The following KIRREL3 variants were observed in gnomAD, a reference collection of about 807,000 sequenced individuals.
KIRREL3 encodes kin of IRRE-like protein 3.
A neutral mutation model predicts 89.7 loss-of-function variants in KIRREL3; 36 were observed. The observed-to-expected ratio is 0.40, with a 90% CI of 0.31 to 0.53. KIRREL3 has a LOEUF of 0.53. Ranked by LOEUF, KIRREL3 falls within the 20% of genes least tolerant of loss-of-function variation. The probability of loss-of-function intolerance (pLI) is 0.49; values close to 1 mark genes in which losing one functional copy is unlikely to be tolerated. For missense variants in KIRREL3, 864 were observed against 1,056.6 expected, an observed-to-expected ratio of 0.82 and a Z score of 2.53; for synonymous variants, 445 against 441.4, an observed-to-expected ratio of 1.01 and a Z score of -0.10.
chr11:126,921,246 C>T (rs1392721827), intron 1 of KIRREL3, among the ~76,000 whole-genome samples: 2 of 152,184 alleles, frequency 1.3e-5, no homozygotes, highest in African/African-American at 4.8e-5. Context: ...CCATTGGCTT[C>T]CCTGGTTCTG....
chr11:126,478,695 G>C (rs1466881439), intron 4 of KIRREL3, among the ~76,000 whole-genome samples: 1 of 152,126 alleles, frequency 6.6e-6, no homozygotes, highest in African/African-American at 2.4e-5. Context: ...GCATGTAGAT[G>C]TACATGTGTG....
intron 1 of KIRREL3, among the ~76,000 whole-genome samples, chr11:126,589,141 A>G (rs568867618): frequency 2.6e-5 from 4 of 152,330 alleles, no homozygotes; most frequent in East Asian, 1.9e-4. Flanking sequence ...CTGCCTCTCC[A>G]GGTGTCTGCC....
At chr11:126,590,127 A>G (rs1293807230) in intron 1 of KIRREL3, among the ~76,000 whole-genome samples, 1 of 152,172 alleles carries the variant, frequency 6.6e-6, no homozygotes, top group Non-Finnish European at 1.5e-5. Context: ...ATACCTAACC[A>G]TTATACAGGC....
rs773226874 is a variant in KIRREL3 at position 126,879,458 on chromosome 11, G to T, written c.55+120997C>A. ...GTTGCTCCTGGGCCCCAGCTGATTT[G>T]ATGTCATGCCGTTAAGATAACTATA... On this transcript the variant is annotated intron_variant, in intron 1 of 16. Transcript: ENST00000525144. This position sits in a 1 kb window ranked among gnomAD's most constrained non-coding sequence, Gnocchi z 5.4. Among the ~76,000 whole-genome samples the T allele has an allele frequency of 2.0e-5, 3 of 152,158 alleles. No homozygotes were observed. The highest frequency in any genetic ancestry group is 4.4e-5 in the Non-Finnish European group (3 of 68,038).
rs1470694721 is a variant in KIRREL3, at chr11:126,455,096, C to A, written c.848+1253G>T. 6.6e-6 allele frequency among the ~76,000 whole-genome samples: 1 copy of A among 152,342 alleles called. No homozygotes were observed. The highest frequency in any genetic ancestry group is 2.1e-4 in the South Asian group (1 of 4,828). On this transcript the variant is annotated intron_variant, in intron 7 of 16. Coordinates refer to ENST00000525144, the MANE Select transcript of KIRREL3 (RefSeq NM_032531.4). The surrounding 1 kb of genome is among the most constrained non-coding windows in gnomAD (Gnocchi z 6.4). ...CCCACAGGCCGGCTTATTTCCTAGGCTGGCACCATTAACATCCTTGGCCTT... is the reference window on the plus strand; with the variant it reads ...CCCACAGGCCGGCTTATTTCCTAGGATGGCACCATTAACATCCTTGGCCTT...
At chr11:126,765,312 A>G (rs2134280202) in intron 1 of KIRREL3, among the ~76,000 whole-genome samples, 1 of 152,196 alleles carries the variant, frequency 6.6e-6, no homozygotes, top group South Asian at 2.1e-4. Context: ...ATTGTCTTCA[A>G]GCTTATCTAC....
intron 12 of KIRREL3, among the ~76,000 whole-genome samples, chr11:126,436,277 G>T (rs1424150734): frequency 6.6e-6 from 1 of 152,218 alleles, no homozygotes; most frequent in African/African-American, 2.4e-5. Flanking sequence ...TAGGGATCTG[G>T]ACAAGCAAGC....
intron 11 of KIRREL3, 185 bp downstream of exon 11, chr11:126,440,264 C>G: frequency 1.4e-6 from 1 of 709,750 alleles, no homozygotes; most frequent in Admixed American, 2.0e-5. Context: ...ACTGCCTGTT[C>G]TGAGAAAGGC....
chr11:126,866,709 A>C (rs886483587), intron 1 of KIRREL3, among the ~76,000 whole-genome samples: 2 of 152,000 alleles, frequency 1.3e-5, no homozygotes, highest in African/African-American at 4.8e-5. Context: ...GGAGGAATAC[A>C]CCAGCAGAAG....
chr11:126,521,425 C>T lies in KIRREL3; in HGVS notation c.323G>A (p.Gly108Glu). The T allele has an allele frequency of 6.3e-7, 1 of 1,578,222 alleles. No homozygotes were observed. Among genetic ancestry groups the T allele is most frequent in the Non-Finnish European group, 8.6e-7 (1 of 1,161,886 alleles). Residue 108 changes from glycine (G) to glutamate (E), a missense_variant, in exon 4 of 17, where the codon GGG becomes GAG. Physicochemically the swap from Gly to Glu is moderately conservative, Grantham distance 98. Transcript: ENST00000525144. This position sits in a 1 kb window ranked among gnomAD's most constrained non-coding sequence, Gnocchi z 4.1. The part of the protein sequence containing the change: ...QYLVVGNHLS[G>E]EHHLKILRAE... ...CCTCAGGATCTTCAGGTGGTGCTCC[C>T]CTGACAGGTGGTTCCCTACCACCAG...
rs991605199 is a variant in KIRREL3 at position 126,724,873 on chromosome 11, C to A, written c.56-161961G>T. On this transcript the variant is annotated intron_variant, in intron 1 of 16. Transcript: ENST00000525144. The surrounding 1 kb of genome is among the most constrained non-coding windows in gnomAD (Gnocchi z 4.3). ...TCCTGCATTCCTCTTTATCATAGAT[C>A]AACTTGTCAGTTAGTCATTCACTTA... Among the ~76,000 whole-genome samples the A allele has an allele frequency of 3.9e-5, 6 of 152,208 alleles. No homozygotes were observed. Among genetic ancestry groups the A allele is most frequent in the African/African-American group, 1.4e-4 (6 of 41,448 alleles).
chr11:126,825,827 G>A (rs1022988440), intron 1 of KIRREL3, among the ~76,000 whole-genome samples: 1 of 152,184 alleles, frequency 6.6e-6, no homozygotes, highest in Non-Finnish European at 1.5e-5. Context: ...GGGGCACAGA[G>A]GGATTAAGTA....
At chr11:126,856,875 G>T (rs1438829243) in intron 1 of KIRREL3, among the ~76,000 whole-genome samples, 1 of 152,128 alleles carries the variant, frequency 6.6e-6, no homozygotes, top group Non-Finnish European at 1.5e-5. Flanking sequence ...TTACAGGAGT[G>T]AGCCACTGCG....
Position 126,490,370 on chromosome 11 carries a change from C to T in KIRREL3, c.434-16904G>A, listed in dbSNP as rs1410248321. 6.6e-6 allele frequency among the ~76,000 whole-genome samples: 1 copy of T among 152,178 alleles called. No individual in the cohort carries two copies. Among genetic ancestry groups the T allele is most frequent in the Non-Finnish European group, 1.5e-5 (1 of 68,042 alleles). On this transcript the variant is annotated intron_variant, in intron 4 of 16. Transcript: ENST00000525144. This position sits in a 1 kb window ranked among gnomAD's most constrained non-coding sequence, Gnocchi z 4.2. ...TTCTCCCCATGAAGTATTCTTCAGCCTGGCCCTGTCCGTGAGCCAGGTTAT... is the reference window on the plus strand; with the variant it reads ...TTCTCCCCATGAAGTATTCTTCAGCTTGGCCCTGTCCGTGAGCCAGGTTAT...
At chr11:126,947,734 C>T (rs1046769671) in intron 1 of KIRREL3, among the ~76,000 whole-genome samples, 3 of 152,198 alleles carry the variant, frequency 2.0e-5, no homozygotes, top group Non-Finnish European at 4.4e-5. Flanking sequence ...GATCCCATGG[C>T]TTTTCACTTA....
At position 126,867,122 on chromosome 11, in the gene KIRREL3, T is replaced by G. The variant is rs566010592; in HGVS notation, c.55+133333A>C. ...GGAGCTGTAAACACTCAACCCTACA[T>G]GCTGCCTTGGGGTTGGAGCCCAAAA... On this transcript the variant is annotated intron_variant, in intron 1 of 16. Coordinates refer to ENST00000525144, the MANE Select transcript of KIRREL3 (RefSeq NM_032531.4). The surrounding 1 kb of genome is among the most constrained non-coding windows in gnomAD (Gnocchi z 4.7). Among the ~76,000 whole-genome samples, 1 of 152,210 alleles carries G rather than the reference T, an allele frequency of 6.6e-6. No homozygotes were observed. Among genetic ancestry groups the G allele is most frequent in the African/African-American group, 2.4e-5 (1 of 41,448 alleles).
intron 5 of KIRREL3, 39 bp downstream of exon 5, chr11:126,473,269 GA>G: frequency 4.0e-6 from 1 of 250,528 alleles, no homozygotes; most frequent in Non-Finnish European, 5.1e-6. Flanking sequence ...CACTCCCCTT[GA>G]AGCCCGTCCA....
intron 1 of KIRREL3, among the ~76,000 whole-genome samples, chr11:126,895,707 A>G (rs1185881137): frequency 2.0e-5 from 3 of 152,146 alleles, no homozygotes; most frequent in African/African-American, 7.2e-5. Context: ...GCTCCCGTGC[A>G]TGGAGTGTTG....
At chr11:126,598,109 C>T (rs1942485905) in intron 1 of KIRREL3, among the ~76,000 whole-genome samples, 2 of 152,258 alleles carry the variant, frequency 1.3e-5, no homozygotes, top group African/African-American at 4.8e-5. Context: ...GTTCTTGGCT[C>T]ACGCCAATGT....
Sources: allele counts gnomAD v4.1 joint callset (sites outside exome capture counted in the v4.1 genomes callset), GRCh38; gene constraint gnomAD v4.1.1; non-coding constraint Gnocchi (gnomAD v3.1); transcripts MANE v1.5; gene names NCBI Gene and HGNC (gene_info 2026-07-23, HGNC 2026-07-21).